The following NPAS3 variants were observed in gnomAD, a reference collection of about 807,000 sequenced individuals.
The protein encoded by NPAS3 is neuronal PAS domain protein 3.
NPAS3 carries 14 observed loss-of-function variants against 73.1 expected under a neutral mutation model. The ratio of observed to expected loss-of-function variants is 0.19; its 90% CI spans 0.13 to 0.30. NPAS3 has a LOEUF of 0.30. Among genes scored for constraint, NPAS3 ranks in the 10% least tolerant of loss-of-function variants. NPAS3 has a pLI of 1.00. For missense variants in NPAS3, 1,096 were observed against 1,250.0 expected (o/e 0.88, Z 1.86); for synonymous variants, 620 against 541.5 (o/e 1.14, Z -2.01).
intron 6 of NPAS3, among the ~76,000 whole-genome samples, chr14:33,696,874 A>C (rs966564241): frequency 6.6e-6 from 1 of 152,202 alleles, no homozygotes; most frequent in African/African-American, 2.4e-5. Context: ...GAATCTGCTG[A>C]ACATGCGCTG....
At chr14:33,730,354 A>G (rs1353242467) in intron 6 of NPAS3, among the ~76,000 whole-genome samples, 1 of 152,224 alleles carries the variant, frequency 6.6e-6, no homozygotes, top group Non-Finnish European at 1.5e-5. Context: ...CAAAGAATAA[A>G]TAATAAAGAT....
At chr14:33,086,580 G>A (rs1408686933) in intron 2 of NPAS3, among the ~76,000 whole-genome samples, 1 of 152,148 alleles carries the variant, frequency 6.6e-6, no homozygotes, top group Non-Finnish European at 1.5e-5. Flanking sequence ...GCAAATAAAT[G>A]TTGTCAAGCA....
intron 7 of NPAS3, among the ~76,000 whole-genome samples, chr14:33,749,102 A>G (rs1259008940): frequency 6.6e-6 from 1 of 152,212 alleles, no homozygotes; most frequent in Non-Finnish European, 1.5e-5. Context: ...TGGATGGACT[A>G]AAACCAACCA....
At chr14:33,091,531 A>G (rs1003624103) in intron 2 of NPAS3, among the ~76,000 whole-genome samples, 2 of 152,238 alleles carry the variant, frequency 1.3e-5, no homozygotes, top group African/African-American at 2.4e-5. Context: ...CCAGGACCAG[A>G]CAGATTCACA....
intron 2 of NPAS3, among the ~76,000 whole-genome samples, chr14:33,147,343 A>G (rs1255796741): frequency 6.6e-6 from 1 of 152,200 alleles, no homozygotes; most frequent in African/African-American, 2.4e-5. Context: ...ATTTCCCCAT[A>G]TGCAAAATGT....
At chr14:33,700,473 A>G (rs1299118264) in intron 6 of NPAS3, among the ~76,000 whole-genome samples, 1 of 152,232 alleles carries the variant, frequency 6.6e-6, no homozygotes, top group Non-Finnish European at 1.5e-5. Context: ...TCAAGGGATT[A>G]TTTTAAATGA....
chr14:33,012,356 A>G (rs544801701), intron 1 of NPAS3, among the ~76,000 whole-genome samples: 2 of 152,322 alleles, frequency 1.3e-5, no homozygotes, highest in African/African-American at 4.8e-5. Context: ...TTGGCTGATT[A>G]TTGCAATGAA....
intron 1 of NPAS3, among the ~76,000 whole-genome samples, chr14:32,961,643 C>G (rs1470475308): frequency 6.6e-6 from 1 of 152,116 alleles, no homozygotes; most frequent in Non-Finnish European, 1.5e-5. Context: ...TCATTCTCAT[C>G]ATCCTTGTCA....
chr14:33,541,481 G>T (rs1422465941), intron 4 of NPAS3, among the ~76,000 whole-genome samples: 1 of 152,118 alleles, frequency 6.6e-6, no homozygotes, highest in Non-Finnish European at 1.5e-5. Flanking sequence ...TAAATAGTCA[G>T]GTAATTAAGA....
chr14:33,356,608 A>G (rs75603610), intron 3 of NPAS3, among the ~76,000 whole-genome samples: 1 of 152,180 alleles, frequency 6.6e-6, no homozygotes, highest in Non-Finnish European at 1.5e-5. Context: ...CACTCAGTGA[A>G]TCAGTTGTTC....
intron 4 of NPAS3, among the ~76,000 whole-genome samples, chr14:33,459,086 T>G (rs1271851716): frequency 1.3e-5 from 2 of 152,250 alleles, no homozygotes; most frequent in African/African-American, 2.4e-5. Context: ...GGTAACTTCC[T>G]GACGTTGCCA....
chr14:33,570,174 A>G (rs1452558235), intron 5 of NPAS3, among the ~76,000 whole-genome samples: 1 of 152,238 alleles, frequency 6.6e-6, no homozygotes, highest in Non-Finnish European at 1.5e-5. Flanking sequence ...CCATTTTAAG[A>G]TCAATCAGAA....
At chr14:33,673,135 C>T (rs573585681) in intron 5 of NPAS3, among the ~76,000 whole-genome samples, 1 of 152,328 alleles carries the variant, frequency 6.6e-6, no homozygotes, top group East Asian at 1.9e-4. Flanking sequence ...TGCCCTCAGC[C>T]TCCTCCCTTC....
intron 4 of NPAS3, among the ~76,000 whole-genome samples, chr14:33,517,422 C>T (rs1029302931): frequency 9.9e-5 from 15 of 152,040 alleles, no homozygotes; most frequent in Non-Finnish European, 1.9e-4. Flanking sequence ...GTCATTAGAT[C>T]TTTGCAACAT....
intron 1 of NPAS3, among the ~76,000 whole-genome samples, chr14:33,031,123 A>G (rs948068458): frequency 1.3e-5 from 2 of 152,192 alleles, no homozygotes; most frequent in African/African-American, 2.4e-5. Context: ...GGAAAGCACA[A>G]TCAGGACAAT....
At chr14:33,212,233 T>C (rs1278941394) in intron 2 of NPAS3, among the ~76,000 whole-genome samples, 1 of 152,200 alleles carries the variant, frequency 6.6e-6, no homozygotes, top group African/African-American at 2.4e-5. Flanking sequence ...CCTTTGACTG[T>C]ACTTTATTGC....
chr14:33,776,830 T>G (rs17412019), intron 8 of NPAS3, among the ~76,000 whole-genome samples: 4,653 of 152,204 alleles, frequency 0.031, 99 homozygotes, highest in Non-Finnish European at 0.047. Context: ...GTCATCCAAC[T>G]GGTCTGGTGC....
chr14:33,155,734 G>A (rs770488651), intron 2 of NPAS3, among the ~76,000 whole-genome samples: 5 of 152,156 alleles, frequency 3.3e-5, no homozygotes, highest in Admixed American at 2.6e-4. Flanking sequence ...AGGTGTGTGT[G>A]TCAGCAGAAA....
intron 4 of NPAS3, among the ~76,000 whole-genome samples, chr14:33,406,395 G>A (rs578117367): frequency 7.9e-5 from 12 of 152,152 alleles, no homozygotes; most frequent in South Asian, 4.2e-4. Context: ...AGAAGAGTTC[G>A]CCTGCTTTGC....
Sources: gnomAD v4.1 joint callset for allele counts (sites outside exome capture counted in the v4.1 genomes callset) on GRCh38, gnomAD v4.1.1 for gene constraint, MANE v1.5 for transcripts, NCBI Gene and HGNC (gene_info 2026-07-23, HGNC 2026-07-21) for gene names.